Variants in RBFOX1 observed in about 807,000 individuals in gnomAD.
The protein encoded by RBFOX1 is RNA binding fox-1 homolog 1.
A neutral mutation model predicts 57.7 loss-of-function variants in RBFOX1; 8 were observed. That is an observed-to-expected ratio of 0.14 (90% CI 0.08 to 0.25). The LOEUF (loss-of-function observed/expected upper bound fraction) is 0.25. Ranked by LOEUF, RBFOX1 falls within the 10% of genes least tolerant of loss-of-function variation. The pLI, the probability that RBFOX1 is intolerant of heterozygous loss-of-function variation, is 1.00. For synonymous variants in RBFOX1, 326 were observed against 222.4 expected (o/e 1.47, Z -4.15); for missense variants, 611 against 548.5 (o/e 1.11, Z -1.14).
At chr16:7,581,362 C>A (rs1254801006) in intron 6 of RBFOX1, among the ~76,000 whole-genome samples, 1 of 152,026 alleles carries the variant, frequency 6.6e-6, no homozygotes, top group Non-Finnish European at 1.5e-5. Flanking sequence ...GCAGTAAGAC[C>A]AGGTGTGAAT....
At chr16:7,608,923 G>A (rs1189126284) in intron 10 of RBFOX1, among the ~76,000 whole-genome samples, 1 of 152,124 alleles carries the variant, frequency 6.6e-6, no homozygotes, top group African/African-American at 2.4e-5. Context: ...ATTGATGAGA[G>A]TACTAGTCCT....
At chr16:7,584,133 T>C (rs1230072278) in intron 6 of RBFOX1, among the ~76,000 whole-genome samples, 4 of 152,198 alleles carry the variant, frequency 2.6e-5, no homozygotes, top group Non-Finnish European at 5.9e-5. Flanking sequence ...TTCTTTGGCC[T>C]TCACGCACAA....
chr16:6,028,540 T>G (rs1050618825), intron 1 of RBFOX1, among the ~76,000 whole-genome samples: 6 of 136,306 alleles, frequency 4.4e-5, no homozygotes, highest in Non-Finnish European at 9.4e-5. Flanking sequence ...AAAAATTAGC[T>G]GGGTGTGGTA....
chr16:6,911,427 C>T (rs1334833482), intron 3 of RBFOX1, among the ~76,000 whole-genome samples: 3 of 152,120 alleles, frequency 2.0e-5, no homozygotes, highest in Non-Finnish European at 4.4e-5. Flanking sequence ...TGGTTGCTGG[C>T]AACGCATGGT....
chr16:7,214,881 T>G (rs1410961382), intron 4 of RBFOX1, among the ~76,000 whole-genome samples: 1 of 152,004 alleles, frequency 6.6e-6, no homozygotes, highest in Non-Finnish European at 1.5e-5. Flanking sequence ...GTGAAAGAGT[T>G]TTGTTTATTC....
chr16:7,175,678 T>G (rs1358666871), intron 4 of RBFOX1, among the ~76,000 whole-genome samples: 3 of 152,210 alleles, frequency 2.0e-5, no homozygotes, highest in Non-Finnish European at 4.4e-5. Flanking sequence ...AGCCACGTGT[T>G]ACCCTGTCAG....
At chr16:6,976,077 A>G (rs1162968813) in intron 3 of RBFOX1, among the ~76,000 whole-genome samples, 1 of 152,196 alleles carries the variant, frequency 6.6e-6, no homozygotes, top group Non-Finnish European at 1.5e-5. Flanking sequence ...CAATGAGCCA[A>G]GATCGTCCCA....
chr16:5,701,986 A>C (rs1422813796), intron 3 of RBFOX1, among the ~76,000 whole-genome samples: 1 of 152,216 alleles, frequency 6.6e-6, no homozygotes, highest in Non-Finnish European at 1.5e-5. Context: ...AGTGTCTAGA[A>C]GAATGCCTGG....
chr16:7,535,410 C>T (rs943392154), intron 5 of RBFOX1, among the ~76,000 whole-genome samples: 8 of 152,154 alleles, frequency 5.3e-5, no homozygotes, highest in African/African-American at 1.2e-4. Flanking sequence ...CCAGACATCT[C>T]GCTGGACATT....
chr16:7,378,231 A>G (rs80189611), intron 4 of RBFOX1, among the ~76,000 whole-genome samples: 1,656 of 152,276 alleles, frequency 0.011, 31 homozygotes, highest in African/African-American at 0.038. Context: ...TGTGTACACA[A>G]ACCATCTCCT....
At chr16:7,464,200 T>C (rs2060076030) in intron 4 of RBFOX1, among the ~76,000 whole-genome samples, 1 of 152,254 alleles carries the variant, frequency 6.6e-6, no homozygotes, top group African/African-American at 2.4e-5. Flanking sequence ...ACATGTGTTT[T>C]GCTCAATGAT....
At chr16:6,949,268 T>G (rs2080203930) in intron 3 of RBFOX1, among the ~76,000 whole-genome samples, 1 of 152,184 alleles carries the variant, frequency 6.6e-6, no homozygotes, top group Non-Finnish European at 1.5e-5. Context: ...AGGCTCAATT[T>G]CACAAAACAA....
At chr16:6,473,294 T>C (rs566662254) in intron 2 of RBFOX1, among the ~76,000 whole-genome samples, 1 of 152,266 alleles carries the variant, frequency 6.6e-6, no homozygotes, top group Non-Finnish European at 1.5e-5. Flanking sequence ...TTTTTGTAGT[T>C]CTGTAGTACA....
chr16:7,444,127 GT>G (rs2098791028), intron 4 of RBFOX1, among the ~76,000 whole-genome samples: 1 of 152,178 alleles, frequency 6.6e-6, no homozygotes, highest in Admixed American at 6.5e-5. Flanking sequence ...CTAAACCAAC[GT>G]TATACTAAAC....
At chr16:5,888,563 A>C (rs2057957524) in intron 4 of RBFOX1, among the ~76,000 whole-genome samples, 1 of 152,016 alleles carries the variant, frequency 6.6e-6, no homozygotes, top group Admixed American at 6.6e-5. Flanking sequence ...TGGGAGACTG[A>C]GTTGGGCAGA....
chr16:6,269,346 C>T (rs1411529180), intron 1 of RBFOX1, among the ~76,000 whole-genome samples: 1 of 151,898 alleles, frequency 6.6e-6, no homozygotes, highest in Admixed American at 6.6e-5. Context: ...GATATAGAAC[C>T]CATGGATATA....
intron 2 of RBFOX1, among the ~76,000 whole-genome samples, chr16:6,559,310 C>G (rs779502120): frequency 1.8e-4 from 28 of 152,006 alleles, no homozygotes; most frequent in Non-Finnish European, 3.2e-4. Context: ...GTCTATTTCT[C>G]TCACATATAT....
intron 4 of RBFOX1, among the ~76,000 whole-genome samples, chr16:7,240,982 C>T (rs1333796168): frequency 1.3e-5 from 2 of 152,208 alleles, no homozygotes; most frequent in East Asian, 3.8e-4. Context: ...CCCACACCTT[C>T]CCAAACAATT....
rs554245184 is a variant in RBFOX1, at chr16:6,744,873, T to C, written c.-16+90223T>C. ...AATAAAACAGGTAGTAGGCCAAAAA[T>C]GGAGGAAATCTTTGAAACCAAAAGC... On this transcript the variant is annotated intron_variant, in intron 3 of 15. Transcript: ENST00000550418. Among the ~76,000 whole-genome samples, 74 of 151,974 alleles carry C rather than the reference T, an allele frequency of 4.9e-4. 1 individual carries two copies. The highest frequency in any genetic ancestry group is 1.0e-3 in the South Asian group (5 of 4,812).
Sources: gnomAD v4.1 joint callset for allele counts (sites outside exome capture counted in the v4.1 genomes callset) on GRCh38, gnomAD v4.1.1 for gene constraint, MANE v1.5 for transcripts, NCBI Gene and HGNC (gene_info 2026-07-23, HGNC 2026-07-21) for gene names.